Variants in ACBD3 observed in about 807,000 individuals in gnomAD.
The protein encoded by ACBD3 is acyl-CoA binding domain containing 3.
Under a neutral mutation model 66.9 loss-of-function variants are expected in ACBD3, and 30 were observed. The ratio of observed to expected loss-of-function variants is 0.45; its 90% CI spans 0.34 to 0.61. ACBD3 has a LOEUF of 0.61. Ranked by LOEUF, ACBD3 falls within the 20% of genes least tolerant of loss-of-function variation. The pLI, the probability that ACBD3 is intolerant of heterozygous loss-of-function variation, is 0.02. For synonymous variants in ACBD3, 278 were observed against 259.8 expected, an observed-to-expected ratio of 1.07 and a Z score of -0.68; for missense variants, 544 against 664.5, an observed-to-expected ratio of 0.82 and a Z score of 1.99.
Position 226,144,902 on chromosome 1 carries a change from C to CATTTT in ACBD3, c.*1707_*1708insAAAAT, listed in dbSNP as rs1209681381. 6.6e-6 allele frequency: 1 copy of CATTTT among 152,420 alleles called. No homozygotes were observed. The highest frequency in any genetic ancestry group is 1.5e-5 in the Non-Finnish European group (1 of 68,004). 9.4% of individuals were successfully genotyped at this position (152,420 alleles called of 1,614,324 possible). A position where few individuals can be genotyped will look rare whatever the true frequency, so the allele number is the denominator to read the frequency against. ...TAATTCATCTTAACATGTGCAAGGA[C>CATTTT]AAATTTGTAATCAAAGGCTGGAAGA... On this transcript the variant is annotated 3_prime_UTR_variant, in exon 8 of 8. Transcript: ENST00000366812.
chr1:226,178,398 G>A (rs1412302044), intron 1 of ACBD3, among the ~76,000 whole-genome samples: 6 of 151,334 alleles, frequency 4.0e-5, no homozygotes, highest in African/African-American at 7.3e-5. Flanking sequence ...GTAAAACCCC[G>A]TCTCTACTAA....
Position 226,146,345 on chromosome 1 carries a change from A to T in ACBD3, c.*265T>A, listed in dbSNP as rs1445717908. 4 of 386,918 alleles carry T rather than the reference A, an allele frequency of 1.0e-5. No individual in the cohort carries two copies. Among genetic ancestry groups the T allele is most frequent in the East Asian group, 5.1e-5 (1 of 19,536 alleles). 24.0% of individuals were successfully genotyped at this position (386,918 alleles called of 1,614,324 possible). A position where few individuals can be genotyped will look rare whatever the true frequency, so the allele number is the denominator to read the frequency against. ...TGGAGACTTTAAATATTTAACATGT[A>T]GCTCATGTAACTTCAGCATCCACTA... On this transcript the variant is annotated 3_prime_UTR_variant, in exon 8 of 8. Coordinates refer to ENST00000366812, the MANE Select transcript of ACBD3 (RefSeq NM_022735.4).
chr1:226,184,588 A>G (rs1378479454), intron 1 of ACBD3, among the ~76,000 whole-genome samples: 1 of 152,226 alleles, frequency 6.6e-6, no homozygotes, highest in African/African-American at 2.4e-5. Flanking sequence ...CCCTTTATAC[A>G]TATGAAACTG....
chr1:226,172,527 A>G (rs1655856794), intron 1 of ACBD3, among the ~76,000 whole-genome samples: 2 of 152,204 alleles, frequency 1.3e-5, no homozygotes, highest in African/African-American at 4.8e-5. Flanking sequence ...GCAATCCATT[A>G]AGATTCTGAC....
chr1:226,165,664 C>A (rs1659863111), intron 2 of ACBD3, among the ~76,000 whole-genome samples, 195 bp downstream of exon 2: 1 of 152,056 alleles, frequency 6.6e-6, no homozygotes, highest in Non-Finnish European at 1.5e-5. Flanking sequence ...GAATACAGTT[C>A]TTCCACAATA....
intron 1 of ACBD3, among the ~76,000 whole-genome samples, chr1:226,174,936 TAAAA>T (rs546836230): frequency 1.4e-5 from 2 of 142,308 alleles, no homozygotes; most frequent in Middle Eastern, 3.6e-3. Flanking sequence ...CTACTAAAAA[TAAAA>T]AAAAAATAGC....
chr1:226,157,028 CACAGAAAGGTATAA>C (rs1413075073), intron 5 of ACBD3, among the ~76,000 whole-genome samples: 24 of 152,206 alleles, frequency 1.6e-4, no homozygotes, highest in African/African-American at 4.6e-4. Context: ...TTTAAAAAAG[CACAGAAAGGTATAA>C]AAGCAACGTA....
chr1:226,176,855 G>A (rs1226789386), intron 1 of ACBD3, among the ~76,000 whole-genome samples: 1 of 151,994 alleles, frequency 6.6e-6, no homozygotes, highest in East Asian at 1.9e-4. Context: ...CTGTCAATGA[G>A]ATATTTTAAT....
chr1:226,176,193 C>T (rs927521705), intron 1 of ACBD3, among the ~76,000 whole-genome samples: 10 of 152,170 alleles, frequency 6.6e-5, no homozygotes, highest in African/African-American at 1.4e-4. Context: ...TTTGGGAAGC[C>T]GAGGCGGGTG....
chr1:226,186,312 G>A, intron 1 of ACBD3, 78 bp downstream of exon 1: 1 of 1,425,906 alleles, frequency 7.0e-7, no homozygotes, highest in Admixed American at 2.8e-5. Context: ...GTCTGGTCCA[G>A]TCACCCTGGG....
At chr1:226,167,714 T>G (rs1576236596) in intron 1 of ACBD3, among the ~76,000 whole-genome samples, 1 of 152,188 alleles carries the variant, frequency 6.6e-6, no homozygotes, top group African/African-American at 2.4e-5. Context: ...GTCTCATTCA[T>G]GTATATAGTG....
chr1:226,169,192 T>C (rs1424969989), intron 1 of ACBD3, among the ~76,000 whole-genome samples: 5 of 152,080 alleles, frequency 3.3e-5, no homozygotes, highest in East Asian at 3.9e-4. Context: ...TGGCGATAAT[T>C]TGAAAAATAG....
intron 5 of ACBD3, 178 bp from the exon 6 acceptor site, chr1:226,155,011 CA>C: frequency 4.9e-6 from 2 of 406,802 alleles, no homozygotes; most frequent in Non-Finnish European, 8.5e-6. Flanking sequence ...AGTACAATAT[CA>C]AACTGACAGC....
chr1:226,157,334 G>T (rs1346122969), intron 5 of ACBD3, among the ~76,000 whole-genome samples: 3 of 151,654 alleles, frequency 2.0e-5, no homozygotes, highest in African/African-American at 7.3e-5. Flanking sequence ...CCCCCTCCTG[G>T]GTTCAAGTGA....
intron 1 of ACBD3, among the ~76,000 whole-genome samples, chr1:226,173,757 C>CTTTT (rs145462202): frequency 1.2e-3 from 105 of 88,306 alleles, no homozygotes; most frequent in African/African-American, 1.6e-3. Context: ...TTTTTCTTTT[C>CTTTT]TTTTTTTTTT....
At chr1:226,185,977 C>A (rs887877895) in intron 1 of ACBD3, among the ~76,000 whole-genome samples, 2 of 152,012 alleles carry the variant, frequency 1.3e-5, no homozygotes, top group Non-Finnish European at 2.9e-5. Context: ...TAAAAATCGG[C>A]GGGTTCTGAT....
rs987539143 is a variant in ACBD3 at position 226,186,722 on chromosome 1, T to C, written c.-47A>G. ...AGCGGGGACAGACGGCAGCCACGTATCGACTTCCTGCTGACCTCTGACCTC... is the reference window on the plus strand; with the variant it reads ...AGCGGGGACAGACGGCAGCCACGTACCGACTTCCTGCTGACCTCTGACCTC... On this transcript the variant is annotated 5_prime_UTR_variant, in exon 1 of 8. Coordinates refer to ENST00000366812, the MANE Select transcript of ACBD3 (RefSeq NM_022735.4). 7.7e-6 allele frequency: 11 copies of C among 1,435,152 alleles called. No individual in the cohort carries two copies. The highest frequency in any genetic ancestry group is 1.4e-5 in the South Asian group (1 of 72,068). The allele number at this position is 1,435,152 out of a possible 1,614,324, so 88.9% of individuals were successfully genotyped here. A position where few individuals can be genotyped will look rare whatever the true frequency, so the allele number is the denominator to read the frequency against.
chr1:226,172,958 C>CAACAAACA (rs763608324), intron 1 of ACBD3, among the ~76,000 whole-genome samples: 2 of 150,546 alleles, frequency 1.3e-5, no homozygotes, highest in South Asian at 2.1e-4. Context: ...CCTGTCTAAA[C>CAACAAACA]AACAAACAAA....
chr1:226,183,907 C>A (rs1296715007), intron 1 of ACBD3, among the ~76,000 whole-genome samples: 3 of 129,052 alleles, frequency 2.3e-5, no homozygotes, highest in African/African-American at 8.4e-5. Context: ...AAAAAAAAAA[C>A]CAGGCTGGGC....
Sources: allele counts gnomAD v4.1 joint callset (sites outside exome capture counted in the v4.1 genomes callset), GRCh38; gene constraint gnomAD v4.1.1; transcripts MANE v1.5; gene names NCBI Gene and HGNC (gene_info 2026-07-23, HGNC 2026-07-21).